The following GALNT1 variants were observed in gnomAD, a reference collection of about 807,000 sequenced individuals.
The protein encoded by GALNT1 is GalNAc transferase 1.
In GALNT1, 17 loss-of-function variants were observed where a neutral mutation model predicts 65.7. The observed-to-expected ratio is 0.26, with a 90% CI of 0.18 to 0.39. The LOEUF (loss-of-function observed/expected upper bound fraction) is 0.39, where lower values mean the gene tolerates loss of function less well. GALNT1 is among the 10% of genes least tolerant of loss of function. GALNT1 has a pLI of 1.00. For synonymous variants in GALNT1, 210 were observed against 219.7 expected, an observed-to-expected ratio of 0.96 and a Z score of 0.39; for missense variants, 460 against 672.8, an observed-to-expected ratio of 0.68 and a Z score of 3.50.
intron 1 of GALNT1, among the ~76,000 whole-genome samples, chr18:35,633,364 A>G (rs915098240): frequency 1.3e-5 from 2 of 152,226 alleles, no homozygotes; most frequent in Non-Finnish European, 2.9e-5. Context: ...CTGTGCAACC[A>G]TAAAAATGGA....
At chr18:35,622,152 TTTTTTC>T (rs1477398389) in intron 1 of GALNT1, among the ~76,000 whole-genome samples, 2 of 152,128 alleles carry the variant, frequency 1.3e-5, no homozygotes, top group Non-Finnish European at 2.9e-5. Flanking sequence ...TAAAGATAAT[TTTTTTC>T]TTTACTATAG....
intron 1 of GALNT1, among the ~76,000 whole-genome samples, chr18:35,640,277 G>T (rs191193634): frequency 6.6e-6 from 1 of 151,984 alleles, no homozygotes; most frequent in African/African-American, 2.4e-5. Flanking sequence ...AGAAATCTTC[G>T]CAAGGTAGCT....
intron 3 of GALNT1, among the ~76,000 whole-genome samples, chr18:35,666,829 G>T (rs1369288034): frequency 6.6e-6 from 1 of 152,056 alleles, no homozygotes; most frequent in Non-Finnish European, 1.5e-5. Context: ...CAGTCCTTCT[G>T]GCCAACTGCT....
intron 5 of GALNT1, 81 bp downstream of exon 5, chr18:35,683,679 T>A (rs890970497): frequency 1.8e-5 from 19 of 1,057,140 alleles, no homozygotes; most frequent in African/African-American, 9.7e-5. Context: ...CTATATTTTT[T>A]AAATAAATAT....
chr18:35,628,787 C>T (rs377553374), intron 1 of GALNT1, among the ~76,000 whole-genome samples: 19 of 152,244 alleles, frequency 1.2e-4, no homozygotes, highest in African/African-American at 3.1e-4. Context: ...GGAGGAAGTT[C>T]GAACCCAACG....
chr18:35,695,232 G>A (rs890087341), intron 9 of GALNT1, among the ~76,000 whole-genome samples: 1 of 148,468 alleles, frequency 6.7e-6, no homozygotes, highest in African/African-American at 2.5e-5. Context: ...TATTTGGGTG[G>A]ATAGGAGGTG....
chr18:35,667,560 TTATGACA>T (rs1320294087), intron 3 of GALNT1, among the ~76,000 whole-genome samples: 1 of 152,242 alleles, frequency 6.6e-6, no homozygotes, highest in African/African-American at 2.4e-5. Context: ...ACTTCCCTAG[TTATGACA>T]TATATATTTC....
intron 1 of GALNT1, among the ~76,000 whole-genome samples, chr18:35,628,706 A>G (rs2046957204): frequency 6.6e-6 from 1 of 152,266 alleles, no homozygotes; most frequent in African/African-American, 2.4e-5. Context: ...AACGGAACAA[A>G]GCTGGACAGA....
intron 1 of GALNT1, among the ~76,000 whole-genome samples, chr18:35,646,680 T>A (rs1464619040): frequency 6.6e-6 from 1 of 152,168 alleles, no homozygotes; most frequent in Non-Finnish European, 1.5e-5. Flanking sequence ...TAGAAGCAAG[T>A]CACTAAGTCC....
At chr18:35,589,561 G>C (rs2046419235) in intron 1 of GALNT1, among the ~76,000 whole-genome samples, 1 of 152,134 alleles carries the variant, frequency 6.6e-6, no homozygotes, top group African/African-American at 2.4e-5. Flanking sequence ...CCAGAAAGCT[G>C]GGATATATGA....
chr18:35,619,952 T>C (rs12959333), intron 1 of GALNT1, among the ~76,000 whole-genome samples: 19,784 of 152,208 alleles, frequency 0.13, 1,445 homozygotes, highest in Admixed American at 0.2. Flanking sequence ...CCACCTCTCC[T>C]CTGAGTCTTG....
chr18:35,623,687 G>A (rs976645164), intron 1 of GALNT1, among the ~76,000 whole-genome samples: 1 of 151,948 alleles, frequency 6.6e-6, no homozygotes, highest in African/African-American at 2.4e-5. Flanking sequence ...TCTATAATCT[G>A]CTGTAATCCC....
chr18:35,624,695 C>T (rs929826863), intron 1 of GALNT1, among the ~76,000 whole-genome samples: 2 of 152,060 alleles, frequency 1.3e-5, no homozygotes, highest in African/African-American at 4.8e-5. Flanking sequence ...TTTTAACTTA[C>T]ACATTCTGTT....
At chr18:35,699,898 T>G (rs1326196359) in intron 9 of GALNT1, among the ~76,000 whole-genome samples, 1 of 152,180 alleles carries the variant, frequency 6.6e-6, no homozygotes, top group Non-Finnish European at 1.5e-5. Flanking sequence ...AAGCTGGTAA[T>G]TGGTTATATA....
rs2048202420 is a variant in GALNT1, at chr18:35,703,494, C to T, written c.1399-15C>T. 1 of 1,609,576 alleles carries T rather than the reference C, an allele frequency of 6.2e-7. No homozygotes were observed. The highest frequency in any genetic ancestry group is 1.1e-5 in the South Asian group (1 of 90,070). Reference sequence around the variant, plus strand: ...TTTATTTTTTCTGTTTATGTGTGTGCATTTTTATTTCCAGGTTTTCTCTTA... The same window carrying T: ...TTTATTTTTTCTGTTTATGTGTGTGTATTTTTATTTCCAGGTTTTCTCTTA... On this transcript the variant is annotated splice_polypyrimidine_tract_variant and intron_variant, in intron 10 of 11. Transcript: ENST00000269195.
At chr18:35,663,185 C>G (rs569617896) in intron 2 of GALNT1, among the ~76,000 whole-genome samples, 1 of 152,210 alleles carries the variant, frequency 6.6e-6, no homozygotes, top group South Asian at 2.1e-4. Context: ...GAATGTGAGG[C>G]ACGTTGGAAG....
In GALNT1 at chr18:35,645,382, C is replaced by T. The variant is rs1044783988; in HGVS notation, c.-103-9178C>T. On this transcript the variant is annotated intron_variant, in intron 1 of 11. Coordinates refer to ENST00000269195, the MANE Select transcript of GALNT1 (RefSeq NM_020474.4). ...CCAAGTAGCTGAGACTACAGGCGCC[C>T]GCCACCATGCCCGGCTAATTTTTTG... 3.3e-5 allele frequency among the ~76,000 whole-genome samples: 5 copies of T among 151,792 alleles called. No homozygotes were observed. The East Asian group carries it at 5.8e-4, about 18-fold the overall frequency.
intron 1 of GALNT1, among the ~76,000 whole-genome samples, chr18:35,630,740 C>T (rs1352863853): frequency 6.6e-6 from 1 of 152,064 alleles, no homozygotes; most frequent in Non-Finnish European, 1.5e-5. Flanking sequence ...ACAAAAAACC[C>T]TTCAAAAAAT....
intron 9 of GALNT1, 99 bp from the exon 10 acceptor site, chr18:35,702,798 G>A: frequency 1.4e-6 from 1 of 702,362 alleles, no homozygotes; most frequent in Non-Finnish European, 2.3e-6. Flanking sequence ...AGTAGGGCCA[G>A]GGAAAGTTTA....
Sources: gnomAD v4.1 joint callset for allele counts (sites outside exome capture counted in the v4.1 genomes callset) on GRCh38, gnomAD v4.1.1 for gene constraint, MANE v1.5 for transcripts, NCBI Gene and HGNC (gene_info 2026-07-23, HGNC 2026-07-21) for gene names.